The following EIF2AK4 variants were observed in gnomAD, a reference collection of about 807,000 sequenced individuals.
The protein encoded by EIF2AK4 is eukaryotic translation initiation factor 2 alpha kinase 4, also known as eIF-2-alpha kinase GCN2.
A neutral mutation model predicts 211.1 loss-of-function variants in EIF2AK4; 139 were observed. The observed-to-expected ratio is 0.66, with a 90% CI of 0.57 to 0.76. EIF2AK4 has a LOEUF of 0.76. Among genes scored for constraint, EIF2AK4 ranks in the 30% least tolerant of loss-of-function variants. EIF2AK4 has a pLI of 0.00. For synonymous variants in EIF2AK4, 710 were observed against 751.3 expected (o/e 0.94, Z 0.90); for missense variants, 1,664 against 2,043.8 (o/e 0.81, Z 3.58).
At chr15:40,022,759 G>A (rs147966780) in intron 32 of EIF2AK4, among the ~76,000 whole-genome samples, 154 bp downstream of exon 32, 128 of 151,236 alleles carry the variant, frequency 8.5e-4, no homozygotes, top group African/African-American at 3.0e-3. Flanking sequence ...TTTTTGAGAC[G>A]GAGTCTCGCT....
chr15:39,941,790 C>T (rs770917941), intron 2 of EIF2AK4, among the ~76,000 whole-genome samples: 28 of 152,038 alleles, frequency 1.8e-4, no homozygotes, highest in Non-Finnish European at 3.2e-4. Flanking sequence ...GTACATTTCT[C>T]CCCAGGTTGT....
At position 40,004,226 on chromosome 15, in the gene EIF2AK4, C is replaced by T. The variant is rs115270758; in HGVS notation, c.3357+912C>T. Among the ~76,000 whole-genome samples the T allele has an allele frequency of 1.8e-3, 271 of 152,268 alleles. 1 individual carries two copies. The highest frequency in any genetic ancestry group is 6.3e-3 in the African/African-American group (260 of 41,548). On this transcript the variant is annotated intron_variant, in intron 23 of 38. Transcript: ENST00000263791. Reference sequence around the variant, plus strand: ...ATAAAACTTTAAAAATTTTGTTGCACATTCTTTATCCTTAGAACCAGCAAT... The same window carrying T: ...ATAAAACTTTAAAAATTTTGTTGCATATTCTTTATCCTTAGAACCAGCAAT...
rs12441486 is a variant in EIF2AK4 at position 39,976,343 on chromosome 15, G to A, written c.1819-71G>A. On this transcript the variant is annotated intron_variant, in intron 11 of 38. Transcript: ENST00000263791. ...GAACTTCACGCTTTCCTTGGGAGGG[G>A]ATGGGGTGCGGTGCAAATGCCTGTT... The A allele has an allele frequency of 0.057, 84,244 of 1,479,446 alleles. 4,990 individuals are homozygous for A. The highest frequency in any genetic ancestry group is 0.28 in the Admixed American group (12,307 of 44,488). 91.6% of individuals were successfully genotyped at this position (1,479,446 alleles called of 1,614,324 possible).
chr15:39,940,510 T>C (rs1037883489), intron 2 of EIF2AK4, among the ~76,000 whole-genome samples: 1 of 152,188 alleles, frequency 6.6e-6, no homozygotes, highest in African/African-American at 2.4e-5. Flanking sequence ...TAAGTCAAAA[T>C]TGAGCTCCTT....
chr15:40,017,543 A>G lies in EIF2AK4; in HGVS notation c.4065+301A>G, dbSNP rs1053134238. Among the ~76,000 whole-genome samples the G allele has an allele frequency of 0.049, 2,022 of 41,660 alleles. 339 individuals carry two copies. Among genetic ancestry groups the G allele is most frequent in the East Asian group, 0.27 (568 of 2,128 alleles). 27.3% of individuals were successfully genotyped at this position (41,660 alleles called of 152,430 possible). ...TATATATATATATATATATATATAT[A>G]TATATATATATGTATTTTGGAGACA... On this transcript the variant is annotated intron_variant, in intron 29 of 38. Transcript: ENST00000263791.
At chr15:39,978,567 C>G (rs746378586) in intron 13 of EIF2AK4, among the ~76,000 whole-genome samples, 2 of 152,212 alleles carry the variant, frequency 1.3e-5, no homozygotes, top group Non-Finnish European at 2.9e-5. Context: ...AGACCATCCT[C>G]TAGAACAGTG....
intron 13 of EIF2AK4, among the ~76,000 whole-genome samples, chr15:39,984,929 C>T (rs904097558): frequency 3.3e-5 from 5 of 152,180 alleles, no homozygotes; most frequent in African/African-American, 7.2e-5. Flanking sequence ...TGTCTTGTGC[C>T]GATTTTCAAA....
At chr15:39,945,100 A>T (rs2034208801) in intron 3 of EIF2AK4, among the ~76,000 whole-genome samples, 2 of 152,146 alleles carry the variant, frequency 1.3e-5, no homozygotes, top group African/African-American at 4.8e-5. Context: ...ATTCAGCTCC[A>T]GAGAAACCTC....
At chr15:40,022,154 C>T in intron 31 of EIF2AK4, 1 of 165,582 alleles carries the variant, frequency 6.0e-6, no homozygotes, top group Non-Finnish European at 1.2e-5. Flanking sequence ...CCTTTGTTTC[C>T]TTCATTTTCC....
chr15:40,014,210 C>T (rs138345355), intron 27 of EIF2AK4, among the ~76,000 whole-genome samples: 82 of 152,350 alleles, frequency 5.4e-4, no homozygotes, highest in African/African-American at 1.9e-3. Context: ...TTGCAGGGTA[C>T]AGCCTCCCTC....
At chr15:39,936,810 A>G (rs2034070987) in intron 1 of EIF2AK4, among the ~76,000 whole-genome samples, 2 of 152,160 alleles carry the variant, frequency 1.3e-5, no homozygotes. Context: ...TACCTTCCTC[A>G]GTGTCTGGGG....
intron 3 of EIF2AK4, among the ~76,000 whole-genome samples, chr15:39,947,542 T>C (rs1399311319): frequency 6.6e-6 from 1 of 152,246 alleles, no homozygotes; most frequent in African/African-American, 2.4e-5. Context: ...GTGTACCATG[T>C]GTCAAGTGCT....
intron 8 of EIF2AK4, 147 bp from the exon 9 acceptor site, chr15:39,967,197 A>T: frequency 1.1e-6 from 1 of 879,102 alleles, no homozygotes; most frequent in Non-Finnish European, 1.7e-6. Flanking sequence ...ATTTGAAAGT[A>T]TATTTTCTAT....
At chr15:39,953,027 T>C (rs2034341727) in intron 4 of EIF2AK4, among the ~76,000 whole-genome samples, 1 of 152,114 alleles carries the variant, frequency 6.6e-6, no homozygotes, top group Non-Finnish European at 1.5e-5. Flanking sequence ...TTTGGACTTT[T>C]AGTAGAGACG....
rs10664232 is a variant in EIF2AK4 at position 39,977,132 on chromosome 15, TAAAAACAAAAAC to T, written c.2249+299_2249+310del. 6 of 324,262 alleles carry T rather than the reference TAAAAACAAAAAC, an allele frequency of 1.9e-5. No homozygotes were observed. In the Admixed American group the frequency reaches 2.4e-4, roughly 13 times the overall value. The allele number at this position is 324,262 out of a possible 1,614,324, so 20.1% of individuals were successfully genotyped here. A position where few individuals can be genotyped will look rare whatever the true frequency, so the allele number is the denominator to read the frequency against. On this transcript the variant is annotated intron_variant, in intron 12 of 38. Transcript: ENST00000263791. ...GAAATCCAGACGTGTTGACCATGTTTAAAAACAAAAACAAAAACAAAACAAAACCACCACTTT... is the reference window on the plus strand; with the variant it reads ...GAAATCCAGACGTGTTGACCATGTTTAAAAACAAAACAAAACCACCACTTT...
At chr15:40,017,025 A>G in intron 28 of EIF2AK4, 83 bp from the exon 29 acceptor site, 2 of 1,542,746 alleles carry the variant, frequency 1.3e-6, no homozygotes, top group Non-Finnish European at 1.8e-6. Context: ...GATGCTATTG[A>G]TGGGAAACAC....
Position 40,006,999 on chromosome 15 carries a change from TTTTG to T in EIF2AK4, c.3358-13_3358-10del, listed in dbSNP as rs143968955. On this transcript the variant is annotated splice_polypyrimidine_tract_variant and intron_variant, in intron 23 of 38. Coordinates refer to ENST00000263791, the MANE Select transcript of EIF2AK4 (RefSeq NM_001013703.4). The stretch of plus-strand genomic sequence containing the variant: ...CACATTTTGACATTGACCTTTCATA[TTTTG>T]TTTATTTTTCAGATCCCTTTTGCAA... 241,903 of 1,565,222 alleles carry T rather than the reference TTTTG, an allele frequency of 0.15. 20,700 individuals carry two copies. The highest frequency in any genetic ancestry group is 0.18 in the Non-Finnish European group (201,653 of 1,138,506).
rs1327783137 is a variant in EIF2AK4 at position 39,967,402 on chromosome 15, T to C, written c.1076T>C (p.Val359Ala). 1.9e-6 allele frequency: 3 copies of C among 1,613,648 alleles called. No homozygotes were observed. Among genetic ancestry groups the C allele is most frequent in the Non-Finnish European group, 2.5e-6 (3 of 1,179,900 alleles). Residue 359 changes from valine (V) to alanine (A), a missense_variant, in exon 9 of 39, where the codon GTA (valine) becomes GCA (alanine). This residue lies in a region of EIF2AK4 where 641 missense variants were observed against 729.6 expected (regional missense o/e 0.88). Coordinates refer to ENST00000263791, the MANE Select transcript of EIF2AK4 (RefSeq NM_001013703.4). ...SLVKLSHPNVVRYLAMNLKEQ... is the reference protein window; with the variant it reads ...SLVKLSHPNVARYLAMNLKEQ... ...GTAAAATTGAGCCATCCAAATGTAG[T>C]ACGCTACCTTGCAATGAATCTCAAA... is the stretch of plus-strand genomic sequence containing the variant.
At chr15:39,992,701 T>G in intron 17 of EIF2AK4, 68 bp from the exon 18 acceptor site, 1 of 1,396,378 alleles carries the variant, frequency 7.2e-7, no homozygotes, top group Admixed American at 1.7e-5. Context: ...AACCTTTTTT[T>G]GTTTTTAGTT....
Sources: allele counts gnomAD v4.1 joint callset (sites outside exome capture counted in the v4.1 genomes callset), GRCh38; gene constraint gnomAD v4.1.1; regional missense constraint gnomAD v4.1.1; transcripts MANE v1.5; gene names NCBI Gene and HGNC (gene_info 2026-07-23, HGNC 2026-07-21).